CRY2: variants seen among roughly 807,000 people sequenced by gnomAD.
The protein encoded by CRY2 is cryptochrome circadian regulator 2.
In CRY2, 31 loss-of-function variants were observed where a neutral mutation model predicts 69.5. That is an observed-to-expected ratio of 0.45 (90% confidence interval 0.34 to 0.60). The LOEUF (loss-of-function observed/expected upper bound fraction) is 0.60, where lower values mean the gene tolerates loss of function less well. Ranked by LOEUF, CRY2 falls within the 20% of genes least tolerant of loss-of-function variation. The pLI, the probability that CRY2 is intolerant of heterozygous loss-of-function variation, is 0.02. For missense variants in CRY2, 606 were observed against 797.8 expected, an observed-to-expected ratio of 0.76 and a Z score of 2.90; for synonymous variants, 303 against 312.2, an observed-to-expected ratio of 0.97 and a Z score of 0.31.
At chr11:45,866,893 T>TG (rs1309113579) in intron 5 of CRY2, among the ~76,000 whole-genome samples, 1 of 151,658 alleles carries the variant, frequency 6.6e-6, no homozygotes, top group Non-Finnish European at 1.5e-5. Context: ...AGGTGGAGGT[T>TG]GCGGTGAGCC....
intron 10 of CRY2, 68 bp from the exon 11 acceptor site, chr11:45,872,024 C>T: frequency 6.3e-7 from 1 of 1,585,500 alleles, no homozygotes; most frequent in Non-Finnish European, 8.6e-7. Context: ...AGAGCTGCTG[C>T]TGCATAGTGT....
chr11:45,865,116 T>G (rs2086319673), intron 5 of CRY2, among the ~76,000 whole-genome samples: 1 of 151,670 alleles, frequency 6.6e-6, no homozygotes, highest in Admixed American at 6.6e-5. Flanking sequence ...GAATGCACAT[T>G]TGGGTAAAAA....
At chr11:45,856,297 G>C (rs2086238549) in intron 2 of CRY2, 2 of 539,580 alleles carry the variant, frequency 3.7e-6, no homozygotes, top group East Asian at 3.2e-5. Flanking sequence ...TGGGAAACCA[G>C]TGTCTTGTTG....
At chr11:45,860,637 C>T (rs1013628864) in intron 3 of CRY2, among the ~76,000 whole-genome samples, 1 of 152,132 alleles carries the variant, frequency 6.6e-6, no homozygotes, top group African/African-American at 2.4e-5. Context: ...TACTGAGGCA[C>T]CTGCTTCAGC....
At chr11:45,850,014 T>TTTGTTTTTTGTTTTG (rs797003647) in intron 1 of CRY2, among the ~76,000 whole-genome samples, 1 of 150,914 alleles carries the variant, frequency 6.6e-6, no homozygotes, top group Non-Finnish European at 1.5e-5. Context: ...TTTTGTTTTT[T>TTTGTTTTTTGTTTTG]TTTTTTTTTG....
chr11:45,848,324 A>C (rs1036542242), intron 1 of CRY2, among the ~76,000 whole-genome samples: 3 of 152,172 alleles, frequency 2.0e-5, no homozygotes, highest in Non-Finnish European at 4.4e-5. Context: ...CTTCAGGTGG[A>C]GTCGCTTTAT....
chr11:45,879,890 C>T (rs2086455054), intron 11 of CRY2, among the ~76,000 whole-genome samples: 1 of 152,240 alleles, frequency 6.6e-6, no homozygotes, highest in Non-Finnish European at 1.5e-5. Context: ...AAACAGCCAT[C>T]TTCTCCCTAT....
chr11:45,849,643 G>A (rs1207493431), intron 1 of CRY2, among the ~76,000 whole-genome samples: 4 of 143,574 alleles, frequency 2.8e-5, no homozygotes, highest in Admixed American at 7.2e-5. Context: ...TTTTTGAGAC[G>A]GAGTTTTGTT....
At chr11:45,867,802 CT>C (rs759257163) in intron 6 of CRY2, 50 bp downstream of exon 6, 6 of 1,610,156 alleles carry the variant, frequency 3.7e-6, no homozygotes, top group Non-Finnish European at 4.2e-6. Context: ...GCAGCCAGGC[CT>C]TTTGGGCTTG....
At chr11:45,851,130 CAAG>C (rs2086196917) in intron 1 of CRY2, among the ~76,000 whole-genome samples, 1 of 151,844 alleles carries the variant, frequency 6.6e-6, no homozygotes, top group Admixed American at 6.6e-5. Flanking sequence ...GGTACTGCAG[CAAG>C]AAGATAAACT....
At chr11:45,862,290 A>G in intron 5 of CRY2, 142 bp downstream of exon 5, 1 of 664,274 alleles carries the variant, frequency 1.5e-6, no homozygotes, top group Middle Eastern at 2.5e-4. Context: ...TGATGGCCAT[A>G]ACAACAGCAA....
intron 3 of CRY2, among the ~76,000 whole-genome samples, chr11:45,860,370 C>T (rs2086277009): frequency 7.3e-6 from 1 of 137,732 alleles, no homozygotes; most frequent in East Asian, 2.0e-4. Context: ...TCTGCTATTC[C>T]TTATGATGTT....
upstream of CRY2, chr11:45,847,420 G>A: frequency 1.3e-6 from 2 of 1,593,092 alleles, no homozygotes; most frequent in East Asian, 2.2e-5. Context: ...TAGGTCACTG[G>A]GCGGGCTATG....
At chr11:45,866,347 A>G (rs898976717) in intron 5 of CRY2, among the ~76,000 whole-genome samples, 2 of 152,116 alleles carry the variant, frequency 1.3e-5, no homozygotes, top group African/African-American at 4.8e-5. Flanking sequence ...TGAGTAGAGA[A>G]CCTAGAGCTG....
chr11:45,869,840 GCTGGCCTGTACCCTCTGGT>G, intron 7 of CRY2, 23 bp downstream of exon 7: 1 of 1,588,668 alleles, frequency 6.3e-7, no homozygotes, highest in South Asian at 1.1e-5. Context: ...TCAACGAAAA[GCTGGCCTGTACCCTCTGGT>G]CAGGCCCGTC....
At position 45,870,042 on chromosome 11, in the gene CRY2, C is replaced by A; in HGVS notation, c.1195-11C>A. The A allele has an allele frequency of 2.5e-6, 4 of 1,587,538 alleles. No individual in the cohort carries two copies. Among genetic ancestry groups the A allele is most frequent in the Non-Finnish European group, 3.4e-6 (4 of 1,165,030 alleles). On this transcript the variant is annotated splice_polypyrimidine_tract_variant and intron_variant, in intron 7 of 11. Transcript: ENST00000616080. ...TCCCCAAGGAGGCTGATCATCCCCTCCCCTATCTAGGTATTTGATGAGCTG... is the reference window on the plus strand; with the variant it reads ...TCCCCAAGGAGGCTGATCATCCCCTACCCTATCTAGGTATTTGATGAGCTG...
chr11:45,883,100 A>C lies in CRY2; in HGVS notation c.*2189A>C. The C allele has an allele frequency of 2.9e-5, 6 of 204,818 alleles. No homozygotes were observed. The highest frequency in any genetic ancestry group is 1.9e-4 in the South Asian group (1 of 5,286). 12.7% of individuals were successfully genotyped at this position (204,818 alleles called of 1,614,324 possible). A position where few individuals can be genotyped will look rare whatever the true frequency, so the allele number is the denominator to read the frequency against. On this transcript the variant is annotated 3_prime_UTR_variant, in exon 12 of 12. Transcript: ENST00000616080. ...GGGCTCCCTCGGAACAGTGCCTCAA[A>C]TCCTGACCCAAGGGCCAGCATGGGG...
chr11:45,859,923 G>A (rs2086273655), intron 3 of CRY2, among the ~76,000 whole-genome samples: 2 of 152,086 alleles, frequency 1.3e-5, no homozygotes, highest in South Asian at 4.1e-4. Context: ...TGGGTGTGGA[G>A]ATCCTCCTCC....
rs1334962920 is a variant in CRY2, at chr11:45,862,162, C to A, written c.741+14C>A. 6.2e-7 allele frequency: 1 copy of A among 1,610,482 alleles called. No individual in the cohort carries two copies. Among genetic ancestry groups the A allele is most frequent in the Non-Finnish European group, 8.5e-7 (1 of 1,178,346 alleles). On this transcript the variant is annotated intron_variant, in intron 5 of 11. Transcript: ENST00000616080. ...TTGGAACGGAAGGTATGGGCCGTTT[C>A]TGAGACACAGAGCTGCAGATACTGA... is the stretch of plus-strand genomic sequence containing the variant.
Sources: allele counts gnomAD v4.1 joint callset (sites outside exome capture counted in the v4.1 genomes callset), GRCh38; gene constraint gnomAD v4.1.1; transcripts MANE v1.5; gene names NCBI Gene and HGNC (gene_info 2026-07-23, HGNC 2026-07-21).